Variants in LRRC69 observed in about 807,000 individuals in gnomAD.
LRRC69 encodes leucine rich repeat containing 69.
Under a neutral mutation model 37.8 loss-of-function variants are expected in LRRC69, and 42 were observed. The ratio of observed to expected loss-of-function variants is 1.11; its 90% CI spans 0.87 to 1.44. LRRC69 has a LOEUF of 1.44. Among genes scored for constraint, LRRC69 ranks in the 40% most tolerant of loss-of-function variants. LRRC69 has a pLI of 0.00. For missense variants in LRRC69, 357 were observed against 401.9 expected, an observed-to-expected ratio of 0.89 and a Z score of 0.96; for synonymous variants, 141 against 143.1, an observed-to-expected ratio of 0.99 and a Z score of 0.11.
intron 1 of LRRC69, among the ~76,000 whole-genome samples, chr8:91,119,144 T>C (rs568646442): frequency 7.9e-5 from 12 of 152,086 alleles, no homozygotes; most frequent in African/African-American, 2.9e-4. Flanking sequence ...AGTACCATCA[T>C]AGACATATCT....
Position 91,217,526 on chromosome 8 carries a change from C to G in LRRC69, c.934-1364C>G, listed in dbSNP as rs185201544. On this transcript the variant is annotated intron_variant, in intron 7 of 7. Transcript: ENST00000448384. ...ATGTTCATTGGCTTCCTTGAACTGTCTTGCCTTATGTGCTTACCCCAGACT... is the reference window on the plus strand; with the variant it reads ...ATGTTCATTGGCTTCCTTGAACTGTGTTGCCTTATGTGCTTACCCCAGACT... Among the ~76,000 whole-genome samples, 8 of 152,238 alleles carry G rather than the reference C, an allele frequency of 5.3e-5. No homozygotes were observed. In the East Asian group the frequency reaches 1.5e-3, roughly 29 times the overall value.
intron 6 of LRRC69, among the ~76,000 whole-genome samples, chr8:91,195,884 A>G (rs1182653561): frequency 6.6e-6 from 1 of 152,116 alleles, no homozygotes; most frequent in East Asian, 1.9e-4. Context: ...TGATCCTGTC[A>G]TGATGATGTT....
At chr8:91,147,644 T>G (rs1808645794) in intron 5 of LRRC69, among the ~76,000 whole-genome samples, 1 of 151,822 alleles carries the variant, frequency 6.6e-6, no homozygotes, top group South Asian at 2.1e-4. Context: ...ATTGGATACT[T>G]CTTAATGACA....
intron 1 of LRRC69, among the ~76,000 whole-genome samples, chr8:91,112,364 A>G (rs1470443088): frequency 6.6e-6 from 1 of 152,010 alleles, no homozygotes; most frequent in African/African-American, 2.4e-5. Context: ...CCCCTTGGCC[A>G]CAACTACCCC....
chr8:91,189,607 A>T (rs1353548805), exon 6 of LRRC69: 2 of 1,550,412 alleles, frequency 1.3e-6, no homozygotes, highest in East Asian at 4.9e-5. Flanking sequence ...CAGCAGGAGA[A>T]CGTCTGGAGT....
At chr8:91,190,094 A>C (rs1809469018) in intron 6 of LRRC69, among the ~76,000 whole-genome samples, 1 of 152,182 alleles carries the variant, frequency 6.6e-6, no homozygotes, top group Admixed American at 6.5e-5. Context: ...TAGACAAGTC[A>C]GAGATCACAG....
chr8:91,179,744 C>G (rs1036694885), intron 5 of LRRC69, among the ~76,000 whole-genome samples: 2 of 151,860 alleles, frequency 1.3e-5, no homozygotes, highest in Non-Finnish European at 2.9e-5. Context: ...TTTATTGAAC[C>G]ACATTTATGT....
chr8:91,195,304 A>G (rs2130619441), intron 6 of LRRC69, among the ~76,000 whole-genome samples: 1 of 151,880 alleles, frequency 6.6e-6, no homozygotes, highest in South Asian at 2.1e-4. Context: ...GTGGTGCTGA[A>G]AAAAATGTAT....
intron 5 of LRRC69, among the ~76,000 whole-genome samples, chr8:91,162,824 C>T (rs1808968819): frequency 6.6e-6 from 1 of 151,114 alleles, no homozygotes; most frequent in South Asian, 2.1e-4. Context: ...ATTCTTTTGT[C>T]TCCCTGTGTT....
chr8:91,202,981 G>T (rs1385471126), intron 7 of LRRC69, among the ~76,000 whole-genome samples: 1 of 152,058 alleles, frequency 6.6e-6, no homozygotes, highest in Non-Finnish European at 1.5e-5. Context: ...AGATTTCCAG[G>T]TTTTTTTGGC....
chr8:91,112,836 A>G (rs1425647355), intron 1 of LRRC69, among the ~76,000 whole-genome samples: 1 of 152,060 alleles, frequency 6.6e-6, no homozygotes, highest in Non-Finnish European at 1.5e-5. Context: ...CTAAAGACTC[A>G]ATAAAAAACC....
At chr8:91,134,120 GTT>G (rs1215553882) in intron 4 of LRRC69, among the ~76,000 whole-genome samples, 1 of 150,860 alleles carries the variant, frequency 6.6e-6, no homozygotes, top group African/African-American at 2.4e-5. Flanking sequence ...TTGTCCTCTG[GTT>G]TCCTCTTGGA....
chr8:91,137,953 T>TA (rs1331641317), intron 5 of LRRC69, among the ~76,000 whole-genome samples: 2 of 152,010 alleles, frequency 1.3e-5, no homozygotes, highest in Non-Finnish European at 2.9e-5. Context: ...ATGAATAACA[T>TA]AGACTTTGGA....
At chr8:91,127,560 CAT>C (rs10565236) in intron 3 of LRRC69, among the ~76,000 whole-genome samples, 1,348 of 115,074 alleles carry the variant, frequency 0.012, 25 homozygotes, top group African/African-American at 0.042. Flanking sequence ...ACTGCAATGT[CAT>C]TTTCGTTTTT....
At chr8:91,107,674 T>C (rs117303689) in intron 1 of LRRC69, among the ~76,000 whole-genome samples, 3,539 of 151,126 alleles carry the variant, frequency 0.023, 79 homozygotes, top group Non-Finnish European at 0.036. Context: ...GGGGTAGGGG[T>C]TCTTTAGTAA....
chr8:91,145,251 C>G (rs1808597669), intron 5 of LRRC69, among the ~76,000 whole-genome samples: 1 of 151,604 alleles, frequency 6.6e-6, no homozygotes, highest in Admixed American at 6.6e-5. Context: ...AAAAGTGATA[C>G]ACAGGGAAAG....
intron 5 of LRRC69, among the ~76,000 whole-genome samples, chr8:91,186,685 C>T (rs1809413567): frequency 6.6e-6 from 1 of 152,042 alleles, no homozygotes; most frequent in Non-Finnish European, 1.5e-5. Context: ...ATTTCTTCAG[C>T]AAAATTTTGC....
chr8:91,173,762 T>C lies in LRRC69; in HGVS notation c.652-15760T>C, dbSNP rs1006965069. 3.0e-4 allele frequency among the ~76,000 whole-genome samples: 45 copies of C among 152,302 alleles called. No homozygotes were observed. The South Asian group carries it at 3.1e-3, about 11-fold the overall frequency. On this transcript the variant is annotated intron_variant, in intron 5 of 7. Transcript: ENST00000448384. ...CTTCAAAGATAGTACCTTCTAGCTA[T>C]GTCCTTATGTGGTAGAAGGGTAGAC...
chr8:91,196,021 C>G (rs918497118), intron 6 of LRRC69, among the ~76,000 whole-genome samples: 4 of 152,146 alleles, frequency 2.6e-5, no homozygotes, highest in African/African-American at 9.7e-5. Flanking sequence ...CCTTCAGGAG[C>G]TCTTTTAGGG....
Sources: gnomAD v4.1 joint callset for allele counts (sites outside exome capture counted in the v4.1 genomes callset) on GRCh38, gnomAD v4.1.1 for gene constraint, MANE v1.5 for transcripts, NCBI Gene and HGNC (gene_info 2026-07-23, HGNC 2026-07-21) for gene names.